Variants in TIAM1 observed in about 807,000 individuals in gnomAD.
TIAM1 encodes the protein TIAM Rac1 associated GEF 1, also known as rho guanine nucleotide exchange factor TIAM1.
Under a neutral mutation model 163.5 loss-of-function variants are expected in TIAM1, and 65 were observed. The ratio of observed to expected loss-of-function variants is 0.40; its 90% confidence interval spans 0.33 to 0.49. The LOEUF (loss-of-function observed/expected upper bound fraction) is 0.49, where lower values mean the gene tolerates loss of function less well. Among genes scored for constraint, TIAM1 ranks in the 20% least tolerant of loss-of-function variants. TIAM1 has a pLI of 0.77. For missense variants in TIAM1, 1,789 were observed against 2,044.7 expected, an observed-to-expected ratio of 0.87 and a Z score of 2.41; for synonymous variants, 833 against 810.1, an observed-to-expected ratio of 1.03 and a Z score of -0.48.
At chr21:31,271,402 C>G (rs1398618309) in intron 3 of TIAM1, among the ~76,000 whole-genome samples, 1 of 152,178 alleles carries the variant, frequency 6.6e-6, no homozygotes, top group Admixed American at 6.5e-5. Flanking sequence ...TCTCAGGATG[C>G]CTGGAAGAAA....
intron 22 of TIAM1, among the ~76,000 whole-genome samples, chr21:31,136,308 G>A (rs545564601): frequency 6.6e-6 from 1 of 151,906 alleles, no homozygotes; most frequent in South Asian, 2.1e-4. Flanking sequence ...AAAAGAAATC[G>A]CACCAAAATG....
At chr21:31,307,074 G>A (rs1316193452) in intron 2 of TIAM1, among the ~76,000 whole-genome samples, 2 of 152,118 alleles carry the variant, frequency 1.3e-5, no homozygotes, top group Admixed American at 6.5e-5. Flanking sequence ...TCTCAAACCC[G>A]ACGGCTGATT....
intron 4 of TIAM1, among the ~76,000 whole-genome samples, chr21:31,260,700 G>GA (rs36041797): frequency 0.63 from 76,277 of 120,718 alleles, 21,944 homozygotes; most frequent in Admixed American, 0.71. Context: ...AAAGAGAAAA[G>GA]AAAAAAAAAA....
chr21:31,231,577 C>T (rs892109523), intron 6 of TIAM1, among the ~76,000 whole-genome samples: 4 of 152,296 alleles, frequency 2.6e-5, no homozygotes, highest in African/African-American at 7.2e-5. Flanking sequence ...CAAAGTTAAA[C>T]ACCCTTTGAA....
chr21:31,339,377 G>A lies in TIAM1; in HGVS notation c.-323C>T. On this transcript the variant is annotated 5_prime_UTR_variant, in exon 2 of 28. Coordinates refer to ENST00000541036, the MANE Select transcript of TIAM1 (RefSeq NM_001353694.2). ...CAACCAGCCTCCTCTTCCTCCTCCT[G>A]GGCTTCAGGTCTAGAAAGGTGGGTC... is the stretch of plus-strand genomic sequence containing the variant. 1 of 398,520 alleles carries A rather than the reference G, an allele frequency of 2.5e-6. No homozygotes were observed. Among genetic ancestry groups the A allele is most frequent in the Non-Finnish European group, 4.4e-6 (1 of 226,078 alleles). The allele number at this position is 398,520 out of a possible 1,614,324, so 24.7% of individuals were successfully genotyped here.
intron 2 of TIAM1, among the ~76,000 whole-genome samples, chr21:31,433,901 G>C (rs971259360): frequency 6.6e-6 from 1 of 151,810 alleles, no homozygotes; most frequent in South Asian, 2.1e-4. Flanking sequence ...AGGCTCCAGC[G>C]ATCCTCGCAC....
intron 20 of TIAM1, among the ~76,000 whole-genome samples, chr21:31,142,105 C>T (rs934086057): frequency 6.6e-6 from 1 of 152,140 alleles, no homozygotes; most frequent in African/African-American, 2.4e-5. Flanking sequence ...ATTTTCCCCT[C>T]GCTCCCTCTG....
intron 2 of TIAM1, among the ~76,000 whole-genome samples, chr21:31,363,612 CTT>C (rs2076445253): frequency 6.6e-6 from 1 of 152,022 alleles, no homozygotes; most frequent in Non-Finnish European, 1.5e-5. Context: ...GATTAACACC[CTT>C]GTTTATTACC....
intron 1 of TIAM1, among the ~76,000 whole-genome samples, chr21:31,542,426 C>CA (rs60986228): frequency 0.16 from 23,880 of 145,480 alleles, 2,741 homozygotes; most frequent in East Asian, 0.63. Context: ...GACTCCGTCT[C>CA]AAAAAAAAAG....
Position 31,129,993 on chromosome 21 carries a change from A to G in TIAM1, c.4045+220T>C, listed in dbSNP as rs1288777566. Among the ~76,000 whole-genome samples, 10 of 151,980 alleles carry G rather than the reference A, an allele frequency of 6.6e-5. No individual in the cohort carries two copies. In the East Asian group the frequency reaches 1.9e-3, roughly 29 times the overall value. ...CATTACACATCCATTCACTCAGTTC[A>G]TTCATTCACTTGGTTCATTCATTCA... On this transcript the variant is annotated intron_variant, in intron 25 of 27. Transcript: ENST00000541036.
intron 2 of TIAM1, among the ~76,000 whole-genome samples, chr21:31,363,671 GATGA>G (rs2147140328): frequency 6.6e-6 from 1 of 152,050 alleles, no homozygotes; most frequent in Non-Finnish European, 1.5e-5. Context: ...ATGATCACAC[GATGA>G]ATGTCTTAGA....
intron 2 of TIAM1, among the ~76,000 whole-genome samples, chr21:31,387,306 T>C (rs950268062): frequency 1.4e-5 from 2 of 140,306 alleles, no homozygotes; most frequent in African/African-American, 5.3e-5. Flanking sequence ...CACTGCAACC[T>C]CTGCCTCCCA....
At chr21:31,174,818 T>G (rs544498371) in intron 15 of TIAM1, among the ~76,000 whole-genome samples, 55 of 152,188 alleles carry the variant, frequency 3.6e-4, no homozygotes, top group Admixed American at 5.2e-4. Flanking sequence ...CAGCTAATTT[T>G]GTGTACTTTT....
upstream of TIAM1, chr21:31,344,366 C>T (rs2076105636): frequency 6.6e-6 from 1 of 152,448 alleles, no homozygotes; most frequent in African/African-American, 2.4e-5. Flanking sequence ...CCGCCTCCCT[C>T]TCCAATTTAA....
intron 9 of TIAM1, among the ~76,000 whole-genome samples, chr21:31,215,967 C>T (rs1461860743): frequency 6.6e-6 from 1 of 152,132 alleles, no homozygotes; most frequent in African/African-American, 2.4e-5. Context: ...TCGAGACCAG[C>T]CTGGCCAACA....
intron 2 of TIAM1, among the ~76,000 whole-genome samples, chr21:31,376,409 C>A (rs2076688710): frequency 6.6e-6 from 1 of 152,182 alleles, no homozygotes; most frequent in African/African-American, 2.4e-5. Flanking sequence ...TCCGTCTGCA[C>A]CCTCTCCATT....
At chr21:31,151,063 G>A (rs1014563437) in intron 19 of TIAM1, among the ~76,000 whole-genome samples, 2 of 152,170 alleles carry the variant, frequency 1.3e-5, no homozygotes, top group African/African-American at 4.8e-5. Context: ...TGTTAGAATA[G>A]CTAAAAAGAG....
At chr21:31,189,770 G>A (rs1411280518) in intron 13 of TIAM1, among the ~76,000 whole-genome samples, 1 of 151,886 alleles carries the variant, frequency 6.6e-6, no homozygotes, top group Non-Finnish European at 1.5e-5. Flanking sequence ...TTGCACACTG[G>A]GGGAAAACCT....
chr21:31,534,167 C>T (rs148853305), intron 1 of TIAM1, among the ~76,000 whole-genome samples: 10 of 152,330 alleles, frequency 6.6e-5, no homozygotes, highest in East Asian at 1.9e-4. Flanking sequence ...ACAAAAACCA[C>T]GCTAGGCGCT....
Sources: allele counts gnomAD v4.1 joint callset (sites outside exome capture counted in the v4.1 genomes callset), GRCh38; gene constraint gnomAD v4.1.1; transcripts MANE v1.5; gene names NCBI Gene and HGNC (gene_info 2026-07-23, HGNC 2026-07-21).